SYNE3: variants seen among roughly 807,000 people sequenced by gnomAD.
The protein encoded by SYNE3 is nesprin-3.
Under a neutral mutation model 111.2 loss-of-function variants are expected in SYNE3, and 100 were observed. That is an observed-to-expected ratio of 0.90 (90% confidence interval 0.77 to 1.06). SYNE3 has a LOEUF of 1.06. Ranked by LOEUF, SYNE3 falls within the 50% of genes least tolerant of loss-of-function variation. SYNE3 has a pLI of 0.00. For missense variants in SYNE3, 1,160 were observed against 1,240.3 expected (o/e 0.94, Z 0.97); for synonymous variants, 547 against 533.9 (o/e 1.02, Z -0.34).
At chr14:95,463,051 G>A (rs11628753) in intron 4 of SYNE3, among the ~76,000 whole-genome samples, 2,386 of 152,254 alleles carry the variant, frequency 0.016, 25 homozygotes, top group Middle Eastern at 0.037. Flanking sequence ...AGCTACTCGG[G>A]AGGCTGAGGC....
intron 4 of SYNE3, among the ~76,000 whole-genome samples, chr14:95,459,901 C>T (rs1887683583): frequency 6.7e-6 from 1 of 149,478 alleles, no homozygotes; most frequent in African/African-American, 2.5e-5. Flanking sequence ...AGTTCGAGAC[C>T]AGCCTGAGAA....
intron 17 of SYNE3, among the ~76,000 whole-genome samples, chr14:95,427,272 C>G (rs899323849): frequency 1.6e-4 from 24 of 152,132 alleles, no homozygotes; most frequent in Non-Finnish European, 2.4e-4. Context: ...GCTTCAGTGC[C>G]AAGGGGAAAC....
intron 2 of SYNE3, among the ~76,000 whole-genome samples, chr14:95,468,882 G>A (rs1465818185): frequency 1.3e-5 from 2 of 152,088 alleles, no homozygotes; most frequent in Admixed American, 6.5e-5. Flanking sequence ...TGCAGTTCAG[G>A]GGCAGCTAAG....
intron 11 of SYNE3, among the ~76,000 whole-genome samples, chr14:95,442,255 C>G (rs1166947661): frequency 2.6e-5 from 4 of 152,202 alleles, no homozygotes; most frequent in African/African-American, 9.7e-5. Flanking sequence ...AGGGAGGGCA[C>G]GTTCTGACCA....
rs766359822 is a variant in SYNE3, at chr14:95,466,193, C to T, written c.365G>A (p.Arg122Gln). 19 of 1,593,426 alleles carry T rather than the reference C, an allele frequency of 1.2e-5. No homozygotes were observed. The highest frequency in any genetic ancestry group is 3.4e-5 in the Admixed American group (2 of 59,584). The part of the protein sequence containing the change: ...WLHWSEYLLA[R>Q]DEFYRWFQKM... ...CTGGAACCAGCGGTAGAACTCATCT[C>T]GGGCCAGCAGGTACTCGCTCCAGTG... Residue 122 changes from arginine to glutamine, a missense_variant, in exon 4 of 18, where the codon CGA becomes CAA. Physicochemically the swap from Arg to Gln is conservative, Grantham distance 43. Coordinates refer to ENST00000682763, the MANE Select transcript of SYNE3 (RefSeq NM_152592.6).
At chr14:95,448,268 T>C (rs1035166053) in intron 8 of SYNE3, among the ~76,000 whole-genome samples, 2 of 151,748 alleles carry the variant, frequency 1.3e-5, no homozygotes, top group African/African-American at 2.4e-5. Context: ...GTGACACATA[T>C]GAAATTCACT....
intron 4 of SYNE3, among the ~76,000 whole-genome samples, chr14:95,462,843 C>G (rs1435978066): frequency 6.6e-6 from 1 of 152,230 alleles, no homozygotes; most frequent in Non-Finnish European, 1.5e-5. Flanking sequence ...GTCTGACGCA[C>G]AGAATGTTTT....
chr14:95,503,643 A>G (rs1272107023), intron 1 of SYNE3, among the ~76,000 whole-genome samples: 4 of 99,050 alleles, frequency 4.0e-5, no homozygotes. Context: ...TTTTTGAGAC[A>G]GGTCTCTCTT....
Position 95,433,389 on chromosome 14 carries a change from T to A in SYNE3, c.2559A>T (p.Pro853=), listed in dbSNP as rs768377239. Residue 853 remains proline (P), a synonymous_variant, in exon 16 of 18, where the codon CCA becomes CCT. Transcript: ENST00000682763. ...GGTTCTCAAAGAGATGCTGACCTTC[T>A]GGCACCCGAGCCTCCAGCTCCTGGG... The part of the protein sequence containing the change: ...SKLQELEARV[P]EGQHLFENLL... 2.5e-6 allele frequency: 4 copies of A among 1,614,134 alleles called. No homozygotes were observed. In the South Asian group the frequency reaches 4.4e-5, roughly 18 times the overall value.
In SYNE3 at chr14:95,416,498, G is replaced by C. The variant is rs1477378281; in HGVS notation, c.*1328C>G. 6.6e-6 allele frequency: 1 copy of C among 152,214 alleles called. No homozygotes were observed. Among genetic ancestry groups the C allele is most frequent in the Non-Finnish European group, 1.5e-5 (1 of 68,048 alleles). 9.4% of individuals were successfully genotyped at this position (152,214 alleles called of 1,614,324 possible). Reference sequence around the variant, plus strand: ...CATGATCCAGTTGTAGAGCACTTAGGAACCATCCCAGAGTTCCCTGGCAAG... The same window carrying C: ...CATGATCCAGTTGTAGAGCACTTAGCAACCATCCCAGAGTTCCCTGGCAAG... On this transcript the variant is annotated 3_prime_UTR_variant, in exon 18 of 18. Coordinates refer to ENST00000682763, the MANE Select transcript of SYNE3 (RefSeq NM_152592.6).
At position 95,414,291 on chromosome 14, in the gene SYNE3, C is replaced by T. The variant is rs983291314; in HGVS notation, c.*3535G>A. Reference sequence around the variant, plus strand: ...TTAAGCCTCAGGGTTCCATCTCAAACATGGGGGTAAAACAGTATCAAACCC... The same window carrying T: ...TTAAGCCTCAGGGTTCCATCTCAAATATGGGGGTAAAACAGTATCAAACCC... On this transcript the variant is annotated 3_prime_UTR_variant, in exon 18 of 18. Transcript: ENST00000682763. 6.6e-6 allele frequency: 1 copy of T among 152,198 alleles called. No homozygotes were observed. Among genetic ancestry groups the T allele is most frequent in the African/African-American group, 2.4e-5 (1 of 41,444 alleles). 9.4% of individuals were successfully genotyped at this position (152,198 alleles called of 1,614,324 possible).
chr14:95,494,605 C>T (rs1238410334), intron 1 of SYNE3, among the ~76,000 whole-genome samples: 1 of 152,126 alleles, frequency 6.6e-6, no homozygotes, highest in East Asian at 1.9e-4. Context: ...CAATAGGGAG[C>T]CAGTGAGGGT....
chr14:95,465,846 A>G (rs1888129093), intron 4 of SYNE3, 85 bp downstream of exon 4: 12 of 1,397,954 alleles, frequency 8.6e-6, no homozygotes, highest in Middle Eastern at 2.5e-4. Context: ...GCTTGATAGT[A>G]GGCAAACAGT....
intron 1 of SYNE3, among the ~76,000 whole-genome samples, chr14:95,494,893 G>A (rs1222895422): frequency 1.3e-5 from 2 of 150,342 alleles, no homozygotes; most frequent in East Asian, 2.0e-4. Flanking sequence ...TGTGTGGATC[G>A]CCTGAGGTCA....
chr14:95,473,479 A>G lies in SYNE3; in HGVS notation c.144+2199T>C, dbSNP rs116720940. On this transcript the variant is annotated intron_variant, in intron 2 of 17. Coordinates refer to ENST00000682763, the MANE Select transcript of SYNE3 (RefSeq NM_152592.6). ...GAAAGGCGGAAACTGGTCAGGAGAG[A>G]TGCACGGACAGGAGGGTTTCATTTC... 5.7e-3 allele frequency among the ~76,000 whole-genome samples: 867 copies of G among 152,188 alleles called. 9 individuals are homozygous for G. The highest frequency in any genetic ancestry group is 0.019 in the African/African-American group (801 of 41,532).
At chr14:95,419,789 T>A (rs2139336921) in intron 17 of SYNE3, among the ~76,000 whole-genome samples, 1 of 123,088 alleles carries the variant, frequency 8.1e-6, no homozygotes, top group East Asian at 2.7e-4. Context: ...ATGGTGATGA[T>A]CATGGTGACT....
intron 17 of SYNE3, among the ~76,000 whole-genome samples, chr14:95,431,584 C>T (rs1253070950): frequency 6.6e-6 from 1 of 152,204 alleles, no homozygotes; most frequent in Non-Finnish European, 1.5e-5. Flanking sequence ...GAGCACGGCT[C>T]AGTAGGGTAA....
intron 1 of SYNE3, among the ~76,000 whole-genome samples, chr14:95,479,224 C>CAAAAAAAAAAAAAAAAAAAAA (rs71132351): frequency 7.0e-5 from 6 of 86,298 alleles, no homozygotes; most frequent in Admixed American, 5.1e-4. Flanking sequence ...TCGTCTCTAC[C>CAAAAAAAAAAAAAAAAAAAAA]AAAAAAAAAA....
Position 95,418,725 on chromosome 14 carries a change from C to G in SYNE3, c.2728-699G>C, listed in dbSNP as rs1405184822. ...TTCAATCAATTATCTCCCTCAGCCT[C>G]CCGGGTAGCTGGGATTACAGGCACC... On this transcript the variant is annotated intron_variant, in intron 17 of 17. Transcript: ENST00000682763. Among the ~76,000 whole-genome samples, 5 of 152,106 alleles carry G rather than the reference C, an allele frequency of 3.3e-5. No homozygotes were observed. The South Asian group carries it at 1.0e-3, about 32-fold the overall frequency.
Sources: allele counts gnomAD v4.1 joint callset (sites outside exome capture counted in the v4.1 genomes callset), GRCh38; gene constraint gnomAD v4.1.1; transcripts MANE v1.5; gene names NCBI Gene and HGNC (gene_info 2026-07-23, HGNC 2026-07-21).